FBXO31: variants seen among roughly 807,000 people sequenced by gnomAD.
FBXO31 encodes the protein F-box only protein 31.
Under a neutral mutation model 54.4 loss-of-function variants are expected in FBXO31, and 24 were observed. The observed-to-expected ratio is 0.44, with a 90% CI of 0.32 to 0.62. The LOEUF (loss-of-function observed/expected upper bound fraction) is 0.62. Ranked by LOEUF, FBXO31 falls within the 20% of genes least tolerant of loss-of-function variation. The pLI is 0.05. For synonymous variants in FBXO31, 388 were observed against 335.6 expected (o/e 1.16, Z -1.71); for missense variants, 665 against 787.1 (o/e 0.84, Z 1.86).
chr16:87,391,418 T>C (rs1370359452), upstream of FBXO31, among the ~76,000 whole-genome samples: 2 of 152,344 alleles, frequency 1.3e-5, no homozygotes, highest in South Asian at 2.1e-4. Flanking sequence ...GCAGCCCATT[T>C]GGAGTCCTCA....
chr16:87,375,622 C>G (rs1489624934), intron 1 of FBXO31, among the ~76,000 whole-genome samples: 1 of 152,202 alleles, frequency 6.6e-6, no homozygotes, highest in South Asian at 2.1e-4. Flanking sequence ...GCAGCCAGCT[C>G]CTGCCCCAGC....
chr16:87,384,845 G>A (rs758138112), upstream of FBXO31, among the ~76,000 whole-genome samples: 5 of 152,234 alleles, frequency 3.3e-5, no homozygotes, highest in Non-Finnish European at 7.3e-5. Context: ...GGGCAACACA[G>A]CGTGACCCTG....
At chr16:87,342,853 C>T in intron 5 of FBXO31, 24 bp downstream of exon 5, 1 of 1,583,162 alleles carries the variant, frequency 6.3e-7, no homozygotes, top group Non-Finnish European at 8.6e-7. Flanking sequence ...ACCATATGAA[C>T]ACAGGGCCGG....
upstream of FBXO31, among the ~76,000 whole-genome samples, chr16:87,386,595 G>C (rs1907335405): frequency 6.6e-6 from 1 of 152,058 alleles, no homozygotes; most frequent in African/African-American, 2.4e-5. Flanking sequence ...CACCACACTT[G>C]GCTAATTTTT....
intron 1 of FBXO31, among the ~76,000 whole-genome samples, chr16:87,381,933 G>C (rs1035945524): frequency 6.6e-6 from 1 of 151,928 alleles, no homozygotes; most frequent in Admixed American, 6.6e-5. Flanking sequence ...TGATGCGGGA[G>C]AATCACTTGA....
rs554286634 is a variant in FBXO31, at chr16:87,358,258, TGCA to T, written c.412+2034_412+2036del. Among the ~76,000 whole-genome samples, 1,730 of 152,274 alleles carry T rather than the reference TGCA, an allele frequency of 0.011. 38 individuals are homozygous for T. The highest frequency in any genetic ancestry group is 0.04 in the African/African-American group (1,662 of 41,534). Reference sequence around the variant, plus strand: ...TGTCACAGCTGAAGCAGAGCCACGCTGCAGCAAGTGAACGTGAAAGGATGACAA... The same window carrying T: ...TGTCACAGCTGAAGCAGAGCCACGCTGCAAGTGAACGTGAAAGGATGACAA... On this transcript the variant is annotated intron_variant, in intron 2 of 8. Coordinates refer to ENST00000311635, the MANE Select transcript of FBXO31 (RefSeq NM_024735.5). This position sits in a 1 kb window ranked among gnomAD's most constrained non-coding sequence, Gnocchi z 4.0.
In FBXO31 at chr16:87,360,024, G is replaced by A. The variant is rs144469990; in HGVS notation, c.412+271C>T. On this transcript the variant is annotated intron_variant, in intron 2 of 8. Coordinates refer to ENST00000311635, the MANE Select transcript of FBXO31 (RefSeq NM_024735.5). The stretch of plus-strand genomic sequence containing the variant: ...GGCAGCCTCCAGGAACACCCAAGTC[G>A]CTCTGGTGCAGCCTACATTTCTCAG... 5.7e-3 allele frequency among the ~76,000 whole-genome samples: 863 copies of A among 152,282 alleles called. 7 individuals carry two copies. The highest frequency in any genetic ancestry group is 0.018 in the African/African-American group (762 of 41,562).
intron 2 of FBXO31, among the ~76,000 whole-genome samples, chr16:87,355,654 A>G (rs1905859351): frequency 6.6e-6 from 1 of 152,210 alleles, no homozygotes; most frequent in South Asian, 2.1e-4. Context: ...CAGTATGTCA[A>G]TCAAAACCCA....
intron 3 of FBXO31, 85 bp from the exon 4 acceptor site, chr16:87,343,850 G>T: frequency 7.1e-7 from 1 of 1,412,358 alleles, no homozygotes. Flanking sequence ...CACTGCAATG[G>T]CACAGAGAAG....
chr16:87,357,784 T>A (rs1198346891), intron 2 of FBXO31, among the ~76,000 whole-genome samples: 1 of 151,938 alleles, frequency 6.6e-6, no homozygotes, highest in Non-Finnish European at 1.5e-5. Context: ...TACAAAAAAA[T>A]TTGCTGGGCA....
rs1283016618 is a variant in FBXO31, at chr16:87,383,710, G to A, written c.35C>T (p.Pro12Leu). The change falls in exon 1 of 9, where the codon CCG becomes CTG. Residue 12 changes from proline to leucine, a missense_variant. Pro to Leu is a moderately conservative substitution (Grantham distance 98). Around this residue, in one of 4 missense-constraint regions of FBXO31, gnomAD observed 195 missense variants for 174.8 expected, o/e 1.12. Transcript: ENST00000311635. This position sits in a 1 kb window ranked among gnomAD's most constrained non-coding sequence, Gnocchi z 4.9. ...AVCARLCGVG[P>L]SRGCRRRQQR... The stretch of plus-strand genomic sequence containing the variant: ...CTGGCGGCGCCGACATCCGCGCGAC[G>A]GGCCCACGCCGCAAAGGCGAGCACA... 7.9e-7 allele frequency: 1 copy of A among 1,260,626 alleles called. No individual in the cohort carries two copies. Among genetic ancestry groups the A allele is most frequent in the Non-Finnish European group, 9.9e-7 (1 of 1,009,576 alleles). The allele number at this position is 1,260,626 out of a possible 1,614,324, so 78.1% of individuals were successfully genotyped here. A position where few individuals can be genotyped will look rare whatever the true frequency, so the allele number is the denominator to read the frequency against.
intron 2 of FBXO31, among the ~76,000 whole-genome samples, chr16:87,351,784 G>C (rs1440844110): frequency 6.6e-6 from 1 of 152,122 alleles, no homozygotes; most frequent in African/African-American, 2.4e-5. Flanking sequence ...CAGGAGAATC[G>C]CTTGAACCCA....
intron 1 of FBXO31, among the ~76,000 whole-genome samples, chr16:87,370,312 C>G (rs535983565): frequency 6.8e-4 from 104 of 152,212 alleles, no homozygotes; most frequent in Non-Finnish European, 1.3e-3. Flanking sequence ...CAGGGACACA[C>G]AGAGTCACTA....
At chr16:87,375,362 CAT>C (rs1462378610) in intron 1 of FBXO31, among the ~76,000 whole-genome samples, 3 of 151,674 alleles carry the variant, frequency 2.0e-5, no homozygotes, top group African/African-American at 7.3e-5. Flanking sequence ...CATGGTGGTG[CAT>C]GTTTGTGATC....
chr16:87,352,300 A>G (rs1163361237), intron 2 of FBXO31, among the ~76,000 whole-genome samples: 1 of 152,232 alleles, frequency 6.6e-6, no homozygotes, highest in African/African-American at 2.4e-5. Flanking sequence ...GCAGTTTTTC[A>G]GTACCAAAAA....
At chr16:87,350,112 G>A (rs752835013) in intron 2 of FBXO31, among the ~76,000 whole-genome samples, 3 of 152,076 alleles carry the variant, frequency 2.0e-5, no homozygotes, top group African/African-American at 4.8e-5. Context: ...GGACGAATGG[G>A]CAGGATCTCG....
At chr16:87,343,901 C>T (rs888304971) in intron 3 of FBXO31, 136 bp from the exon 4 acceptor site, 3 of 821,334 alleles carry the variant, frequency 3.7e-6, no homozygotes, top group South Asian at 1.8e-5. Flanking sequence ...CGCCCACCCT[C>T]GAGGTGCCTC....
intron 1 of FBXO31, among the ~76,000 whole-genome samples, chr16:87,373,310 A>G (rs556271380): frequency 6.6e-6 from 1 of 151,996 alleles, no homozygotes; most frequent in Admixed American, 6.5e-5. Flanking sequence ...AAATTAGCCG[A>G]GCATGGTGTC....
At chr16:87,340,188 GAGGC>G (rs1208055745) in intron 5 of FBXO31, among the ~76,000 whole-genome samples, 1 of 152,236 alleles carries the variant, frequency 6.6e-6, no homozygotes, top group Non-Finnish European at 1.5e-5. Context: ...GAGTGAGGCT[GAGGC>G]AGGAGAATCA....
Sources: gnomAD v4.1 joint callset for allele counts (sites outside exome capture counted in the v4.1 genomes callset) on GRCh38, gnomAD v4.1.1 for gene constraint, gnomAD v4.1.1 regional missense constraint, Gnocchi (gnomAD v3.1) non-coding constraint, MANE v1.5 for transcripts, NCBI Gene and HGNC (gene_info 2026-07-23, HGNC 2026-07-21) for gene names.